Variants in MED13L observed in about 807,000 individuals in gnomAD.
The protein encoded by MED13L is mediator complex subunit 13L.
In MED13L, 7 loss-of-function variants were observed where a neutral mutation model predicts 220.9. The ratio of observed to expected loss-of-function variants is 0.03; its 90% CI spans 0.02 to 0.06. MED13L has a LOEUF of 0.06. Ranked by LOEUF, MED13L falls within the 10% of genes least tolerant of loss-of-function variation. The pLI, the probability that MED13L is intolerant of heterozygous loss-of-function variation, is 1.00. For missense variants in MED13L, 1,965 were observed against 2,760.5 expected, an observed-to-expected ratio of 0.71 and a Z score of 6.46; for synonymous variants, 1,011 against 1,015.2, an observed-to-expected ratio of 1.00 and a Z score of 0.08.
At chr12:116,023,559 A>T (rs1880189690) in intron 4 of MED13L, among the ~76,000 whole-genome samples, 1 of 152,212 alleles carries the variant, frequency 6.6e-6, no homozygotes, top group Non-Finnish European at 1.5e-5. Flanking sequence ...TCAAAAAAAA[A>T]ATGTTGTTTC....
At chr12:116,087,351 C>A (rs559569645) in intron 4 of MED13L, among the ~76,000 whole-genome samples, 3 of 152,062 alleles carry the variant, frequency 2.0e-5, no homozygotes, top group Non-Finnish European at 4.4e-5. Context: ...TTTCCTTAAA[C>A]TAATGAGGAA....
At chr12:116,262,372 T>C (rs1409841227) in intron 1 of MED13L, among the ~76,000 whole-genome samples, 2 of 152,274 alleles carry the variant, frequency 1.3e-5, no homozygotes, top group East Asian at 1.9e-4. Context: ...ATAAGATAGA[T>C]TACAAGGAAT....
intron 8 of MED13L, among the ~76,000 whole-genome samples, 155 bp from the exon 9 acceptor site, chr12:116,013,056 T>C (rs1366070482): frequency 6.6e-6 from 1 of 152,188 alleles, no homozygotes; most frequent in Non-Finnish European, 1.5e-5. Flanking sequence ...ACCTGTTTTA[T>C]GTACTGGAAG....
At chr12:115,963,249 T>C (rs1351310700) in intron 30 of MED13L, among the ~76,000 whole-genome samples, 158 bp downstream of exon 30, 1 of 152,200 alleles carries the variant, frequency 6.6e-6, no homozygotes, top group Non-Finnish European at 1.5e-5. Context: ...CATGCAGCTA[T>C]GAGGGACTGC....
intron 2 of MED13L, among the ~76,000 whole-genome samples, chr12:116,219,636 T>C (rs1007388925): frequency 6.6e-6 from 1 of 152,224 alleles, no homozygotes; most frequent in Non-Finnish European, 1.5e-5. Flanking sequence ...ATTAATTGTT[T>C]GAAATTTAAA....
intron 4 of MED13L, among the ~76,000 whole-genome samples, chr12:116,068,385 T>C (rs1374110005): frequency 6.6e-6 from 1 of 152,248 alleles, no homozygotes; most frequent in Non-Finnish European, 1.5e-5. Flanking sequence ...TAATATGATC[T>C]GTAGAGCTAT....
chr12:116,054,193 TACACACACACACACACACAA>T (rs1413930452), intron 4 of MED13L, among the ~76,000 whole-genome samples: 6 of 148,224 alleles, frequency 4.0e-5, no homozygotes, highest in Admixed American at 6.9e-5. Flanking sequence ...TAACAACTAT[TACACACACACACACACACAA>T]ACACACACAC....
At chr12:116,237,119 C>T (rs1349600846) in intron 2 of MED13L, among the ~76,000 whole-genome samples, 1 of 152,154 alleles carries the variant, frequency 6.6e-6, no homozygotes, top group East Asian at 1.9e-4. Flanking sequence ...AGGAAAAAAA[C>T]AGTAACTGTT....
intron 2 of MED13L, among the ~76,000 whole-genome samples, chr12:116,164,729 G>A (rs1195194513): frequency 6.6e-6 from 1 of 152,184 alleles, no homozygotes; most frequent in Non-Finnish European, 1.5e-5. Context: ...ATGTCACACT[G>A]TCTTTTCAGA....
In MED13L at chr12:115,961,403, C is replaced by CA; in HGVS notation, c.6501-6dup. ...TTGTACTGCTCCAAAACAAACCTGC[C>CA]AAAGAGAACACACAGAGCAGGGGCG... On this transcript the variant is annotated splice_region_variant and splice_polypyrimidine_tract_variant and intron_variant, in intron 30 of 30. Coordinates refer to ENST00000281928, the MANE Select transcript of MED13L (RefSeq NM_015335.5). 1 of 1,613,436 alleles carries CA rather than the reference C, an allele frequency of 6.2e-7. No individual in the cohort carries two copies. The highest frequency in any genetic ancestry group is 1.3e-5 in the African/African-American group (1 of 75,022).
intron 2 of MED13L, among the ~76,000 whole-genome samples, chr12:116,186,733 G>C (rs1420173792): frequency 6.6e-6 from 1 of 152,156 alleles, no homozygotes; most frequent in Non-Finnish European, 1.5e-5. Context: ...GGACAAGCTG[G>C]AGCAAAAGGT....
intron 2 of MED13L, among the ~76,000 whole-genome samples, chr12:116,157,428 G>A (rs747105284): frequency 5.9e-5 from 9 of 152,030 alleles, no homozygotes; most frequent in Non-Finnish European, 8.8e-5. Context: ...CAAATTACAC[G>A]AATCCTTCAG....
intron 2 of MED13L, among the ~76,000 whole-genome samples, chr12:116,134,204 G>T (rs536244965): frequency 6.6e-6 from 1 of 152,164 alleles, no homozygotes. Flanking sequence ...CAAAATTATT[G>T]TACTTCACAC....
At chr12:115,984,436 T>C in intron 19 of MED13L, 64 bp from the exon 20 acceptor site, 2 of 1,558,876 alleles carry the variant, frequency 1.3e-6, no homozygotes, top group Non-Finnish European at 1.8e-6. Context: ...TACCAATGGT[T>C]AGCAAGGGAG....
chr12:116,131,010 T>C (rs1876023325), intron 2 of MED13L, among the ~76,000 whole-genome samples: 1 of 152,214 alleles, frequency 6.6e-6, no homozygotes, highest in African/African-American at 2.4e-5. Context: ...ATAAGCAGGT[T>C]AACATAGAAA....
At chr12:116,170,590 ATTTTTACTTTTTTTTTTGTTTTTTTTTTT>A (rs1287121661) in intron 2 of MED13L, among the ~76,000 whole-genome samples, 1 of 144,542 alleles carries the variant, frequency 6.9e-6, no homozygotes, top group East Asian at 2.0e-4. Context: ...ACAAGTAATC[ATTTTTACTTTTTTTTTTGTTTTTTTTTTT>A]TTTTTAAGAG....
chr12:116,156,545 G>A (rs892566189), intron 2 of MED13L, among the ~76,000 whole-genome samples: 1 of 152,006 alleles, frequency 6.6e-6, no homozygotes, highest in Non-Finnish European at 1.5e-5. Context: ...AAGTTTCCAA[G>A]TACCAACCTC....
At chr12:116,237,810 C>T (rs1442801479) in intron 1 of MED13L, 105 bp from the exon 2 acceptor site, 20 of 995,328 alleles carry the variant, frequency 2.0e-5, no homozygotes, top group Admixed American at 1.8e-4. Flanking sequence ...AATATTTACA[C>T]GAAACTTCAT....
intron 2 of MED13L, among the ~76,000 whole-genome samples, chr12:116,120,471 TCTCTCTCACACACA>T (rs1340973754): frequency 2.2e-4 from 25 of 114,584 alleles, no homozygotes; most frequent in South Asian, 1.8e-3. Flanking sequence ...TCTCTCTCTC[TCTCTCTCACACACA>T]CACACACACA....
Sources: allele counts gnomAD v4.1 joint callset (sites outside exome capture counted in the v4.1 genomes callset), GRCh38; gene constraint gnomAD v4.1.1; transcripts MANE v1.5; gene names NCBI Gene and HGNC (gene_info 2026-07-23, HGNC 2026-07-21).